Variants in CNTNAP2 observed in about 807,000 individuals in gnomAD.
CNTNAP2 encodes contactin associated protein 2.
CNTNAP2 carries 98 observed loss-of-function variants against 155.2 expected under a neutral mutation model. The observed-to-expected ratio is 0.63, with a 90% confidence interval of 0.54 to 0.75. CNTNAP2 has a LOEUF of 0.75. CNTNAP2 is among the 30% of genes least tolerant of loss of function. CNTNAP2 has a pLI of 0.00. For synonymous variants in CNTNAP2, 651 were observed against 631.2 expected, an observed-to-expected ratio of 1.03 and a Z score of -0.47; for missense variants, 1,727 against 1,688.1, an observed-to-expected ratio of 1.02 and a Z score of -0.40.
intron 16 of CNTNAP2, among the ~76,000 whole-genome samples, chr7:148,125,809 C>T (rs533549050): frequency 6.6e-6 from 1 of 151,474 alleles, no homozygotes; most frequent in Non-Finnish European, 1.5e-5. Context: ...TCAAGTGATT[C>T]TCCTGCCTCA....
chr7:148,039,061 C>T (rs1802622194), intron 15 of CNTNAP2, among the ~76,000 whole-genome samples: 1 of 152,128 alleles, frequency 6.6e-6, no homozygotes, highest in Admixed American at 6.6e-5. Context: ...TTGGCTCATG[C>T]AATTGGGAGG....
chr7:146,824,350 G>T (rs1464386731), intron 2 of CNTNAP2, among the ~76,000 whole-genome samples: 1 of 152,148 alleles, frequency 6.6e-6, no homozygotes, highest in African/African-American at 2.4e-5. Context: ...ACAAACATAT[G>T]TGTGCATGTG....
intron 12 of CNTNAP2, among the ~76,000 whole-genome samples, chr7:147,623,658 G>A (rs933242559): frequency 4.0e-5 from 6 of 151,886 alleles, no homozygotes; most frequent in Non-Finnish European, 8.8e-5. Context: ...AATCAATATT[G>A]TTAAAATGTC....
chr7:148,067,032 T>C (rs1012247876), intron 15 of CNTNAP2, among the ~76,000 whole-genome samples: 2 of 152,216 alleles, frequency 1.3e-5, no homozygotes, highest in African/African-American at 4.8e-5. Context: ...TTTCTTTAAG[T>C]TGGTTTTCAC....
At chr7:147,753,362 C>G (rs929215716) in intron 13 of CNTNAP2, among the ~76,000 whole-genome samples, 1 of 152,094 alleles carries the variant, frequency 6.6e-6, no homozygotes, top group East Asian at 1.9e-4. Context: ...TTTCTGAGGC[C>G]CTAGTCACTT....
chr7:147,544,041 T>G (rs991583296), intron 11 of CNTNAP2, among the ~76,000 whole-genome samples: 4 of 152,176 alleles, frequency 2.6e-5, no homozygotes, highest in East Asian at 1.9e-4. Flanking sequence ...CTAGAGGGAT[T>G]AAATCTTTAA....
At chr7:147,010,978 G>A (rs529424342) in intron 3 of CNTNAP2, among the ~76,000 whole-genome samples, 1 of 152,068 alleles carries the variant, frequency 6.6e-6, no homozygotes, top group South Asian at 2.1e-4. Context: ...ACCATAAATG[G>A]AACAAATTAA....
intron 1 of CNTNAP2, among the ~76,000 whole-genome samples, chr7:146,273,060 G>A (rs1800107043): frequency 6.7e-6 from 1 of 150,090 alleles, no homozygotes; most frequent in Non-Finnish European, 1.5e-5. Context: ...GTGGGATGGT[G>A]AGGGTGGAAG....
At chr7:147,906,332 A>G (rs1162516547) in intron 14 of CNTNAP2, among the ~76,000 whole-genome samples, 1 of 151,856 alleles carries the variant, frequency 6.6e-6, no homozygotes, top group African/African-American at 2.4e-5. Context: ...CACCATGCCC[A>G]GCTAATTTTT....
At chr7:146,498,782 T>C (rs1255933942) in intron 1 of CNTNAP2, among the ~76,000 whole-genome samples, 1 of 151,910 alleles carries the variant, frequency 6.6e-6, no homozygotes, top group African/African-American at 2.4e-5. Flanking sequence ...TTTACTCCAG[T>C]AGATGGTTCA....
At chr7:146,440,262 G>T (rs1796301975) in intron 1 of CNTNAP2, among the ~76,000 whole-genome samples, 1 of 151,700 alleles carries the variant, frequency 6.6e-6, no homozygotes, top group Admixed American at 6.6e-5. Context: ...TGGAGTAAAA[G>T]TAAATGAAGA....
intron 10 of CNTNAP2, among the ~76,000 whole-genome samples, chr7:147,426,207 G>A: frequency 6.6e-6 from 1 of 150,848 alleles, no homozygotes; most frequent in African/African-American, 2.4e-5. Flanking sequence ...AAATAAAAAA[G>A]AGCCTAAATA....
At chr7:147,350,666 TTACAG>T (rs1405471444) in intron 9 of CNTNAP2, among the ~76,000 whole-genome samples, 2 of 151,818 alleles carry the variant, frequency 1.3e-5, no homozygotes, top group African/African-American at 4.8e-5. Flanking sequence ...CAGTGCTGCC[TTACAG>T]TACCCTATTG....
chr7:147,272,629 G>T (rs1029834076), intron 8 of CNTNAP2, among the ~76,000 whole-genome samples: 3 of 151,650 alleles, frequency 2.0e-5, no homozygotes, highest in African/African-American at 7.3e-5. Context: ...CTCTCGAGTA[G>T]CTGGGACTAC....
At chr7:147,605,646 C>G (rs1018978517) in intron 12 of CNTNAP2, among the ~76,000 whole-genome samples, 8 of 152,038 alleles carry the variant, frequency 5.3e-5, no homozygotes, top group African/African-American at 1.9e-4. Flanking sequence ...CCCAGAGAGA[C>G]AATTCATGAC....
At chr7:147,546,302 A>G (rs1799729671) in intron 11 of CNTNAP2, among the ~76,000 whole-genome samples, 1 of 152,182 alleles carries the variant, frequency 6.6e-6, no homozygotes, top group African/African-American at 2.4e-5. Context: ...TCATGTTGGT[A>G]TGGTAAAGAT....
intron 1 of CNTNAP2, among the ~76,000 whole-genome samples, chr7:146,513,575 C>T (rs909853991): frequency 7.9e-5 from 12 of 151,906 alleles, no homozygotes; most frequent in South Asian, 2.1e-4. Context: ...AACTATAAAA[C>T]GATCTTTGAA....
chr7:147,848,212 A>T (rs968142346), intron 13 of CNTNAP2, among the ~76,000 whole-genome samples: 1 of 143,646 alleles, frequency 7.0e-6, no homozygotes, highest in African/African-American at 2.5e-5. Context: ...GCCGCCTTGC[A>T]GTTTGATCTC....
At chr7:146,344,356 A>T (rs147791702) in intron 1 of CNTNAP2, among the ~76,000 whole-genome samples, 1 of 152,220 alleles carries the variant, frequency 6.6e-6, no homozygotes, top group African/African-American at 2.4e-5. Flanking sequence ...CATTTAGTGT[A>T]AAAAACATAG....
Sources: allele counts gnomAD v4.1 joint callset (sites outside exome capture counted in the v4.1 genomes callset), GRCh38; gene constraint gnomAD v4.1.1; transcripts MANE v1.5; gene names NCBI Gene and HGNC (gene_info 2026-07-23, HGNC 2026-07-21).